The following ARL6 variants were observed in gnomAD, a reference collection of about 807,000 sequenced individuals.
ARL6 encodes ARF like GTPase 6, also known as ADP-ribosylation factor-like protein 6.
ARL6 carries 18 observed loss-of-function variants against 27.1 expected under a neutral mutation model. The ratio of observed to expected loss-of-function variants is 0.66; its 90% CI spans 0.46 to 0.98. The LOEUF is 0.98. ARL6 is among the 50% of genes least tolerant of loss of function. The probability of loss-of-function intolerance (pLI) is 0.00; values close to 1 mark genes in which losing one functional copy is unlikely to be tolerated. For missense variants in ARL6, 187 were observed against 214.9 expected (o/e 0.87, Z 0.81); for synonymous variants, 65 against 72.3 (o/e 0.90, Z 0.51).
chr3:97,779,865 C>G (rs74530277), intron 2 of ARL6, among the ~76,000 whole-genome samples: 2 of 117,384 alleles, frequency 1.7e-5, no homozygotes, highest in Non-Finnish European at 3.6e-5. Flanking sequence ...GACTCTATCT[C>G]AAAAAAAAAA....
At chr3:97,767,958 T>G in intron 1 of ARL6, 123 bp from the exon 2 acceptor site, 1 of 870,932 alleles carries the variant, frequency 1.1e-6, no homozygotes, top group Non-Finnish European at 1.8e-6. Flanking sequence ...CAAAGCTACA[T>G]TGACATAGTT....
In ARL6 at chr3:97,768,089, T is replaced by C. The variant is rs779750476; in HGVS notation, c.-19T>C. The C allele has an allele frequency of 3.7e-6, 6 of 1,612,414 alleles. No individual in the cohort carries two copies. Among genetic ancestry groups the C allele is most frequent in the Non-Finnish European group, 4.2e-6 (5 of 1,178,718 alleles). Reference sequence around the variant, plus strand: ...TTTTTTCTTAATTGCAGCTGGTTTGTAAATATTTGAATCACATTATGGGAT... The same window carrying C: ...TTTTTTCTTAATTGCAGCTGGTTTGCAAATATTTGAATCACATTATGGGAT... On this transcript the variant is annotated 5_prime_UTR_variant, in exon 2 of 8. Coordinates refer to ENST00000463745, the MANE Select transcript of ARL6 (RefSeq NM_001278293.3).
intron 1 of ARL6, 80 bp from the exon 2 acceptor site, chr3:97,768,001 A>G (rs2036463603): frequency 3.2e-6 from 4 of 1,254,380 alleles, no homozygotes; most frequent in African/African-American, 1.5e-5. Context: ...TTAAATTATT[A>G]CCTTTTTTTA....
rs527981974 is a variant in ARL6, at chr3:97,799,823, A to G, written c.*1774A>G. 6.6e-6 allele frequency: 1 copy of G among 152,150 alleles called. No individual in the cohort carries two copies. The highest frequency in any genetic ancestry group is 1.5e-5 in the Non-Finnish European group (1 of 67,988). 9.4% of individuals were successfully genotyped at this position (152,150 alleles called of 1,614,324 possible). On this transcript the variant is annotated 3_prime_UTR_variant, in exon 8 of 8. Transcript: ENST00000463745. ...GCTGGTAAGTCTGGTACTAGGATTC[A>G]GTACCAAGCAGTCTGTTTTAAGACA...
chr3:97,768,223 C>T lies in ARL6; in HGVS notation c.116C>T (p.Pro39Leu), dbSNP rs1208893419. The change falls in exon 2 of 8, where the codon CCT becomes CTT. Residue 39 changes from proline (P) to leucine (L), a missense_variant. Physicochemically the swap from Pro to Leu is moderately conservative, Grantham distance 98. Transcript: ENST00000463745. The part of the protein sequence containing the change: ...GKTTIINKLK[P>L]SNAQSQNILP... Reference sequence around the variant, plus strand: ...ACGACGATCATTAACAAACTTAAACCTTCAAATGTAAGTATCTTTGTTAGA... The same window carrying T: ...ACGACGATCATTAACAAACTTAAACTTTCAAATGTAAGTATCTTTGTTAGA... 5 of 1,612,172 alleles carry T rather than the reference C, an allele frequency of 3.1e-6. No individual in the cohort carries two copies. Among genetic ancestry groups the T allele is most frequent in the Non-Finnish European group, 3.4e-6 (4 of 1,178,660 alleles).
intron 3 of ARL6, 27 bp from the exon 4 acceptor site, chr3:97,780,588 G>A (rs550534162): frequency 3.2e-6 from 5 of 1,561,844 alleles, no homozygotes; most frequent in East Asian, 2.2e-5. Flanking sequence ...AGTTTATAAT[G>A]TAGTCATGTT....
intron 2 of ARL6, among the ~76,000 whole-genome samples, chr3:97,768,594 A>G (rs1165527527): frequency 6.6e-6 from 1 of 152,158 alleles, no homozygotes. Flanking sequence ...AAAGTATAGT[A>G]TGCATATTAG....
intron 4 of ARL6, among the ~76,000 whole-genome samples, chr3:97,784,485 A>C (rs1239912659): frequency 1.3e-5 from 2 of 151,724 alleles, no homozygotes; most frequent in African/African-American, 4.8e-5. Flanking sequence ...AGTAGTAAAA[A>C]AAAAAAAAAT....
intron 1 of ARL6, chr3:97,765,899 G>A (rs1001632567): frequency 1.8e-4 from 27 of 152,102 alleles, no homozygotes; most frequent in African/African-American, 6.5e-4. Flanking sequence ...ACTTATGGAA[G>A]GAAAATTATA....
intron 2 of ARL6, among the ~76,000 whole-genome samples, chr3:97,774,987 C>T (rs1225383275): frequency 1.3e-5 from 2 of 152,168 alleles, no homozygotes; most frequent in East Asian, 1.9e-4. Context: ...TTACCGCTCA[C>T]GAGCAGTGAA....
chr3:97,769,029 T>C (rs1021894202), intron 2 of ARL6, among the ~76,000 whole-genome samples: 1 of 152,040 alleles, frequency 6.6e-6, no homozygotes, highest in African/African-American at 2.4e-5. Context: ...TACTAGAACA[T>C]TATTTTTAAG....
chr3:97,778,636 A>G (rs934353348), intron 2 of ARL6, among the ~76,000 whole-genome samples: 3 of 152,182 alleles, frequency 2.0e-5, no homozygotes, highest in Non-Finnish European at 2.9e-5. Flanking sequence ...ATCAGTGAGC[A>G]TGTAATTATA....
At chr3:97,785,455 T>G (rs2037412054) in intron 5 of ARL6, among the ~76,000 whole-genome samples, 1 of 149,784 alleles carries the variant, frequency 6.7e-6, no homozygotes, top group Non-Finnish European at 1.5e-5. Context: ...AGTTTGTGTG[T>G]GTTTAATTAC....
chr3:97,767,110 T>C (rs1009244707), intron 1 of ARL6, among the ~76,000 whole-genome samples: 4 of 152,198 alleles, frequency 2.6e-5, no homozygotes, highest in African/African-American at 9.7e-5. Context: ...TTTGGATTGC[T>C]GATAGTTTTT....
intron 5 of ARL6, among the ~76,000 whole-genome samples, chr3:97,787,551 G>A (rs2037516898): frequency 6.6e-6 from 1 of 152,084 alleles, no homozygotes. Flanking sequence ...TCATGACAAG[G>A]TAAAAATATC....
chr3:97,788,404 G>A (rs1197834195), intron 6 of ARL6, among the ~76,000 whole-genome samples: 1 of 152,110 alleles, frequency 6.6e-6, no homozygotes, highest in African/African-American at 2.4e-5. Context: ...ATTTCCTTCT[G>A]CACATGGAGT....
At chr3:97,785,075 T>C in intron 5 of ARL6, 26 bp downstream of exon 5, 1 of 1,572,844 alleles carries the variant, frequency 6.4e-7, no homozygotes, top group Non-Finnish European at 8.8e-7. Flanking sequence ...TCAGTCTGTA[T>C]CTGTTCTTTG....
At position 97,779,462 on chromosome 3, in the gene ARL6, C is replaced by T. The variant is rs778567361; in HGVS notation, c.124-697C>T. Among the ~76,000 whole-genome samples, 63 of 152,108 alleles carry T rather than the reference C, an allele frequency of 4.1e-4. 1 individual carries two copies. The highest frequency in any genetic ancestry group is 1.5e-3 in the African/African-American group (62 of 41,418). ...ACATTTATTTTTGCACTTATCTCTGCTCAAAATTGTGTTCTATTTACATCT... is the reference window on the plus strand; with the variant it reads ...ACATTTATTTTTGCACTTATCTCTGTTCAAAATTGTGTTCTATTTACATCT... On this transcript the variant is annotated intron_variant, in intron 2 of 7. Transcript: ENST00000463745.
chr3:97,771,763 A>C (rs1285114477), intron 2 of ARL6, among the ~76,000 whole-genome samples: 1 of 152,134 alleles, frequency 6.6e-6, no homozygotes, highest in Non-Finnish European at 1.5e-5. Context: ...GAATTTTATC[A>C]AAAGTTTTTT....
Sources: allele counts gnomAD v4.1 joint callset (sites outside exome capture counted in the v4.1 genomes callset), GRCh38; gene constraint gnomAD v4.1.1; transcripts MANE v1.5; gene names NCBI Gene and HGNC (gene_info 2026-07-23, HGNC 2026-07-21).